GALNT17: variants seen among roughly 807,000 people sequenced by gnomAD.
GALNT17 encodes the protein polypeptide N-acetylgalactosaminyltransferase 17, also known as UDP-GalNAc:polypeptide N-acetylgalactosaminyltransferase-like 3.
In GALNT17, 29 loss-of-function variants were observed where a neutral mutation model predicts 63.7. The ratio of observed to expected loss-of-function variants is 0.46; its 90% confidence interval spans 0.34 to 0.62. GALNT17 has a LOEUF of 0.62. Among genes scored for constraint, GALNT17 ranks in the 20% least tolerant of loss-of-function variants. The pLI, the probability that GALNT17 is intolerant of heterozygous loss-of-function variation, is 0.01. For missense variants in GALNT17, 603 were observed against 799.6 expected (o/e 0.75, Z 2.97); for synonymous variants, 305 against 318.3 (o/e 0.96, Z 0.45).
intron 6 of GALNT17, among the ~76,000 whole-genome samples, chr7:71,572,814 C>T (rs1033592770): frequency 1.3e-5 from 2 of 151,978 alleles, no homozygotes; most frequent in African/African-American, 2.4e-5. Context: ...GCTCTGCAGG[C>T]TTGGTGGTGA....
chr7:71,209,339 G>A (rs757949860), intron 1 of GALNT17, among the ~76,000 whole-genome samples: 36 of 151,880 alleles, frequency 2.4e-4, no homozygotes, highest in Non-Finnish European at 4.0e-4. Flanking sequence ...CTGGGTACTG[G>A]GCTTTATCTT....
At chr7:71,619,016 A>G (rs1159512466) in intron 6 of GALNT17, among the ~76,000 whole-genome samples, 1 of 152,174 alleles carries the variant, frequency 6.6e-6, no homozygotes, top group African/African-American at 2.4e-5. Flanking sequence ...TCCAGCTTCA[A>G]TCTTCTGCAT....
intron 5 of GALNT17, among the ~76,000 whole-genome samples, chr7:71,429,663 C>T (rs1563086310): frequency 6.6e-6 from 1 of 152,210 alleles, no homozygotes. Flanking sequence ...CTGCCTCAGC[C>T]TCCAGCGGAG....
At chr7:71,525,495 C>T (rs77844121) in intron 5 of GALNT17, among the ~76,000 whole-genome samples, 14,460 of 151,880 alleles carry the variant, frequency 0.095, 854 homozygotes, top group African/African-American at 0.17. Context: ...CGTGAGCCAC[C>T]GCACCCGGCC....
chr7:71,356,401 G>A (rs1184729046), intron 2 of GALNT17, among the ~76,000 whole-genome samples: 1 of 152,058 alleles, frequency 6.6e-6, no homozygotes, highest in Non-Finnish European at 1.5e-5. Flanking sequence ...AAAGAAAAGA[G>A]GTTTAACTGG....
intron 5 of GALNT17, among the ~76,000 whole-genome samples, chr7:71,506,536 G>A (rs1048451903): frequency 6.6e-6 from 1 of 152,058 alleles, no homozygotes; most frequent in African/African-American, 2.4e-5. Context: ...CAAAGTGCTG[G>A]GATTACAGGC....
chr7:71,254,378 A>C (rs899824622), intron 1 of GALNT17, among the ~76,000 whole-genome samples: 6 of 152,158 alleles, frequency 3.9e-5, no homozygotes, highest in African/African-American at 1.4e-4. Context: ...AGGGAAGAGG[A>C]TTCTCTACAG....
At chr7:71,564,624 C>T (rs1295151668) in intron 5 of GALNT17, among the ~76,000 whole-genome samples, 1 of 152,028 alleles carries the variant, frequency 6.6e-6, no homozygotes, top group African/African-American at 2.4e-5. Context: ...CAGCGACCAT[C>T]GTCACACATT....
rs558958233 is a variant in GALNT17, at chr7:71,277,702, G to GAAGCA, written c.239-57847_239-57843dup. ...TCACAGCCTGCCTGAAACTTTGGTG[G>GAAGCA]AAGCACTGAGAAAGTTAGTGAGTAG... On this transcript the variant is annotated intron_variant, in intron 1 of 10. Coordinates refer to ENST00000333538, the MANE Select transcript of GALNT17 (RefSeq NM_022479.3). 5.9e-5 allele frequency among the ~76,000 whole-genome samples: 9 copies of GAAGCA among 152,312 alleles called. No individual in the cohort carries two copies. In the South Asian group the frequency reaches 1.9e-3, roughly 32 times the overall value.
intron 1 of GALNT17, among the ~76,000 whole-genome samples, chr7:71,261,475 C>T (rs1178765942): frequency 6.6e-6 from 1 of 152,186 alleles, no homozygotes; most frequent in African/African-American, 2.4e-5. Flanking sequence ...TCACAGATCC[C>T]GGGTTCTCCT....
chr7:71,537,202 A>G (rs543821454), intron 5 of GALNT17, among the ~76,000 whole-genome samples: 1 of 152,306 alleles, frequency 6.6e-6, no homozygotes, highest in East Asian at 1.9e-4. Context: ...TGCATTGTAT[A>G]TCATAGTCAT....
intron 1 of GALNT17, among the ~76,000 whole-genome samples, chr7:71,217,257 G>A (rs1789502141): frequency 6.7e-6 from 1 of 149,508 alleles, no homozygotes; most frequent in Non-Finnish European, 1.5e-5. Flanking sequence ...TTACAGGCAT[G>A]AGCCATTGTG....
In GALNT17 at chr7:71,682,013, G is replaced by A. The variant is rs548791648; in HGVS notation, c.1500+4707G>A. ...GCGATCTCGGGTCACTGCAACCTCC[G>A]CCTCCTGGGTTCAGGCGATTCTCCT... is the stretch of plus-strand genomic sequence containing the variant. On this transcript the variant is annotated intron_variant, in intron 9 of 10. Transcript: ENST00000333538. Among the ~76,000 whole-genome samples the A allele has an allele frequency of 3.0e-4, 45 of 152,106 alleles. No individual in the cohort carries two copies. The South Asian group carries it at 3.3e-3, about 11-fold the overall frequency.
At chr7:71,559,111 T>C (rs907496445) in intron 5 of GALNT17, among the ~76,000 whole-genome samples, 5 of 152,226 alleles carry the variant, frequency 3.3e-5, no homozygotes, top group African/African-American at 1.2e-4. Context: ...TCCTATTTTC[T>C]TGTGAGATTA....
intron 5 of GALNT17, among the ~76,000 whole-genome samples, chr7:71,436,485 C>T (rs896060593): frequency 2.6e-5 from 4 of 152,014 alleles, no homozygotes; most frequent in Non-Finnish European, 5.9e-5. Flanking sequence ...TTTGGGAGGC[C>T]GAGGCAGGCA....
intron 1 of GALNT17, among the ~76,000 whole-genome samples, chr7:71,236,773 G>A (rs1413483574): frequency 6.6e-6 from 1 of 152,152 alleles, no homozygotes; most frequent in African/African-American, 2.4e-5. Flanking sequence ...GCACTTCTGC[G>A]GGGTGTTTAC....
intron 1 of GALNT17, among the ~76,000 whole-genome samples, chr7:71,260,390 G>A (rs1055661628): frequency 7.2e-5 from 11 of 152,122 alleles, no homozygotes; most frequent in Non-Finnish European, 2.9e-5. Context: ...GTTGAGTGCT[G>A]GGCCGACTGA....
rs965760378 is a variant in GALNT17, at chr7:71,693,198, AGTGT to A, written c.1500+15897_1500+15900del. On this transcript the variant is annotated intron_variant, in intron 9 of 10. Transcript: ENST00000333538. ...TAATATAAATAGTGTGTGTGTATAT[AGTGT>A]GTGTATATATATCTACAATACATGT... Among the ~76,000 whole-genome samples the A allele has an allele frequency of 1.2e-4, 15 of 126,524 alleles. No individual in the cohort carries two copies. In the East Asian group the frequency reaches 5.6e-3, roughly 47 times the overall value. The allele number at this position is 126,524 out of a possible 152,430, so 83.0% of individuals were successfully genotyped here.
chr7:71,542,780 A>G (rs1386639404), intron 5 of GALNT17, among the ~76,000 whole-genome samples: 1 of 151,832 alleles, frequency 6.6e-6, no homozygotes, highest in Non-Finnish European at 1.5e-5. Context: ...AGGGATTTGC[A>G]TTCTACTTTC....
Sources: allele counts gnomAD v4.1 joint callset (sites outside exome capture counted in the v4.1 genomes callset), GRCh38; gene constraint gnomAD v4.1.1; transcripts MANE v1.5; gene names NCBI Gene and HGNC (gene_info 2026-07-23, HGNC 2026-07-21).